GRM8: variants seen among roughly 807,000 people sequenced by gnomAD.
The protein encoded by GRM8 is glutamate metabotropic receptor 8.
Under a neutral mutation model 87.2 loss-of-function variants are expected in GRM8, and 47 were observed. The observed-to-expected ratio is 0.54, with a 90% CI of 0.43 to 0.69. GRM8 has a LOEUF of 0.69. GRM8 is among the 30% of genes least tolerant of loss of function. The pLI is 0.00. For synonymous variants in GRM8, 396 were observed against 404.5 expected (o/e 0.98, Z 0.25); for missense variants, 1,019 against 1,139.2 (o/e 0.89, Z 1.52).
chr7:127,178,617 C>G (rs1184089980), intron 2 of GRM8, among the ~76,000 whole-genome samples: 1 of 152,130 alleles, frequency 6.6e-6, no homozygotes, highest in Admixed American at 6.6e-5. Flanking sequence ...ACCAGGTAAC[C>G]TGTAAAGAAA....
In GRM8 at chr7:127,242,995, T is replaced by C. The variant is rs1798395188; in HGVS notation, c.210A>G (p.Glu70=). The C allele has an allele frequency of 6.2e-7, 1 of 1,614,100 alleles. No individual in the cohort carries two copies. Among genetic ancestry groups the C allele is most frequent in the Non-Finnish European group, 8.5e-7 (1 of 1,180,000 alleles). The stretch of plus-strand genomic sequence containing the variant: ...TGGCCTCCAGTCTGTGAATCCCCTT[T>C]TCCTTCTTCAGCTCCCCACAAGGCA... ...RGVPCGELKK[E]KGIHRLEAML... is the part of the protein sequence containing the mutation. The change falls in exon 2 of 11, where the codon GAA becomes GAG. Residue 70 remains glutamate, a synonymous_variant. Coordinates refer to ENST00000339582, the MANE Select transcript of GRM8 (RefSeq NM_000845.3).
At chr7:126,669,367 A>T (rs973145006) in intron 7 of GRM8, among the ~76,000 whole-genome samples, 4 of 152,210 alleles carry the variant, frequency 2.6e-5, no homozygotes, top group South Asian at 4.1e-4. Context: ...ACAAGAAAAA[A>T]AAAAGCTGTA....
chr7:126,962,033 T>C (rs1333564938), intron 3 of GRM8, among the ~76,000 whole-genome samples: 1 of 152,196 alleles, frequency 6.6e-6, no homozygotes, highest in Non-Finnish European at 1.5e-5. Flanking sequence ...TCTCTCCTCC[T>C]TCCAAACCCT....
rs1483379533 is a variant in GRM8 at position 126,601,541 on chromosome 7, C to T, written c.1494+7821G>A. On this transcript the variant is annotated intron_variant, in intron 8 of 10. Coordinates refer to ENST00000339582, the MANE Select transcript of GRM8 (RefSeq NM_000845.3). ...CACAATGGTTGAACTAGTTTACAGT[C>T]CCACCAACAGTGTAAAAGTGTTCCT... Among the ~76,000 whole-genome samples the T allele has an allele frequency of 1.9e-3, 293 of 151,560 alleles. 1 individual carries two copies. The highest frequency in any genetic ancestry group is 6.8e-3 in the African/African-American group (283 of 41,366).
At chr7:126,516,589 A>C (rs1812199046) in intron 9 of GRM8, among the ~76,000 whole-genome samples, 1 of 152,154 alleles carries the variant, frequency 6.6e-6, no homozygotes, top group African/African-American at 2.4e-5. Flanking sequence ...TTCCTGACAG[A>C]AAGTATGCTT....
intron 6 of GRM8, among the ~76,000 whole-genome samples, chr7:126,807,195 A>G (rs1792857368): frequency 6.6e-6 from 1 of 152,202 alleles, no homozygotes; most frequent in South Asian, 2.1e-4. Context: ...TTCTCCTCCA[A>G]GAAAAACTTC....
intron 8 of GRM8, among the ~76,000 whole-genome samples, chr7:126,578,112 C>G (rs1795270892): frequency 6.6e-6 from 1 of 152,126 alleles, no homozygotes; most frequent in South Asian, 2.1e-4. Flanking sequence ...GAAACTCTTA[C>G]TAGTCTTATA....
At chr7:126,828,497 T>C (rs1159828368) in intron 6 of GRM8, among the ~76,000 whole-genome samples, 1 of 152,176 alleles carries the variant, frequency 6.6e-6, no homozygotes, top group Non-Finnish European at 1.5e-5. Flanking sequence ...AGTTTATTTA[T>C]GTAGAGGTGT....
chr7:126,775,555 T>C (rs983375423), intron 6 of GRM8, among the ~76,000 whole-genome samples: 4 of 134,278 alleles, frequency 3.0e-5, no homozygotes, highest in Non-Finnish European at 4.6e-5. Flanking sequence ...AGGGGGAACA[T>C]AAGGTAGAAA....
chr7:126,537,779 A>C (rs577865210), intron 8 of GRM8, among the ~76,000 whole-genome samples: 172 of 152,238 alleles, frequency 1.1e-3, no homozygotes, highest in Middle Eastern at 6.8e-3. Flanking sequence ...TCCGTCAAAA[A>C]AAACAAACAA....
chr7:127,026,522 C>T (rs1434254394), intron 3 of GRM8, among the ~76,000 whole-genome samples: 2 of 152,114 alleles, frequency 1.3e-5, no homozygotes, highest in South Asian at 2.1e-4. Flanking sequence ...TGTTTCCTGA[C>T]GTTTTAATGA....
intron 3 of GRM8, among the ~76,000 whole-genome samples, chr7:127,003,203 A>G (rs909845909): frequency 6.6e-6 from 1 of 151,700 alleles, no homozygotes; most frequent in Admixed American, 6.6e-5. Context: ...TAGCATGATT[A>G]TTTTTGCATG....
At chr7:126,595,987 A>G (rs1351802401) in intron 8 of GRM8, among the ~76,000 whole-genome samples, 2 of 152,158 alleles carry the variant, frequency 1.3e-5, no homozygotes, top group African/African-American at 4.8e-5. Flanking sequence ...AGATACAAAT[A>G]TCAGATGGGT....
chr7:127,015,954 C>T (rs1563415481), intron 3 of GRM8, among the ~76,000 whole-genome samples: 1 of 151,934 alleles, frequency 6.6e-6, no homozygotes, highest in Non-Finnish European at 1.5e-5. Flanking sequence ...GAATGAGATC[C>T]AAAGAAAAAG....
intron 3 of GRM8, among the ~76,000 whole-genome samples, chr7:127,066,496 G>A (rs17866033): frequency 0.014 from 2,061 of 152,216 alleles, 57 homozygotes; most frequent in African/African-American, 0.047. Flanking sequence ...TCAAACCTGT[G>A]AGAAAGGTAT....
intron 7 of GRM8, among the ~76,000 whole-genome samples, chr7:126,765,382 T>C (rs1818084471): frequency 1.3e-5 from 2 of 152,092 alleles, no homozygotes; most frequent in Non-Finnish European, 2.9e-5. Context: ...TTCAGCTTAA[T>C]TAAGCAAGTT....
At chr7:126,589,316 A>G (rs1053228242) in intron 8 of GRM8, among the ~76,000 whole-genome samples, 6 of 152,012 alleles carry the variant, frequency 3.9e-5, no homozygotes, top group African/African-American at 1.5e-4. Context: ...GGCCTTTTGG[A>G]TTGCATGGGA....
intron 7 of GRM8, among the ~76,000 whole-genome samples, chr7:126,633,648 A>T (rs1473206597): frequency 6.6e-6 from 1 of 152,174 alleles, no homozygotes; most frequent in African/African-American, 2.4e-5. Flanking sequence ...AGTTAAAAAC[A>T]TATCTGTTTT....
At chr7:127,102,326 C>A (rs1025498355) in intron 3 of GRM8, among the ~76,000 whole-genome samples, 4 of 152,184 alleles carry the variant, frequency 2.6e-5, no homozygotes, top group African/African-American at 9.7e-5. Context: ...GTGGAGCAAC[C>A]ACTTGCTAGA....
Sources: gnomAD v4.1 joint callset for allele counts (sites outside exome capture counted in the v4.1 genomes callset) on GRCh38, gnomAD v4.1.1 for gene constraint, MANE v1.5 for transcripts, NCBI Gene and HGNC (gene_info 2026-07-23, HGNC 2026-07-21) for gene names.